The following ZNF286A variants were observed in gnomAD, a reference collection of about 807,000 sequenced individuals.
ZNF286A encodes the protein zinc finger protein 286A, also known as zinc finger protein ZNF286.
Under a neutral mutation model 49.3 loss-of-function variants are expected in ZNF286A, and 34 were observed. That is an observed-to-expected ratio of 0.69 (90% CI 0.52 to 0.92). ZNF286A has a LOEUF of 0.92. Among genes scored for constraint, ZNF286A ranks in the 40% least tolerant of loss-of-function variants. The pLI, the probability that ZNF286A is intolerant of heterozygous loss-of-function variation, is 0.00. For missense variants in ZNF286A, 462 were observed against 600.2 expected, an observed-to-expected ratio of 0.77 and a Z score of 2.41; for synonymous variants, 155 against 200.4, an observed-to-expected ratio of 0.77 and a Z score of 1.91.
At position 15,716,983 on chromosome 17, in the gene ZNF286A, G is replaced by A. The variant is rs938832154; in HGVS notation, c.1259G>A (p.Ser420Asn). The A allele has an allele frequency of 4.3e-6, 7 of 1,612,660 alleles. No homozygotes were observed. The highest frequency in any genetic ancestry group is 5.9e-6 in the Non-Finnish European group (7 of 1,179,340). ...YECSECGKTF[S>N]QSTHLVQHQR... ...TGCAGTGAATGTGGAAAAACTTTTAGTCAGAGCACACATCTTGTTCAACAT... is the reference window on the plus strand; with the variant it reads ...TGCAGTGAATGTGGAAAAACTTTTAATCAGAGCACACATCTTGTTCAACAT... Residue 420 changes from serine to asparagine, a missense_variant, in exon 6 of 6, where the codon AGT (serine) becomes AAT (asparagine). Around this residue, in one of 3 missense-constraint regions of ZNF286A, gnomAD observed 201 missense variants for 311.3 expected, o/e 0.65. Coordinates refer to ENST00000583566, the MANE Select transcript of ZNF286A (RefSeq NM_001130842.2).
At chr17:15,704,915 G>A in intron 3 of ZNF286A, 2 of 1,575,464 alleles carry the variant, frequency 1.3e-6, no homozygotes, top group Middle Eastern at 2.2e-4. Flanking sequence ...GCGGCCGGCC[G>A]GGGGCGGGTC....
intron 3 of ZNF286A, chr17:15,704,956 C>A (rs1990106017): frequency 2.1e-6 from 3 of 1,445,558 alleles, no homozygotes; most frequent in Middle Eastern, 2.5e-4. Context: ...TTCTTCGGTC[C>A]GCCGGCCGGG....
intron 5 of ZNF286A, among the ~76,000 whole-genome samples, chr17:15,712,142 G>A (rs1990718507): frequency 6.6e-6 from 1 of 152,194 alleles, no homozygotes; most frequent in South Asian, 2.1e-4. Context: ...AAAGTGCTGG[G>A]ATTACAGGCG....
chr17:15,705,284 A>G (rs1990145857), intron 3 of ZNF286A, among the ~76,000 whole-genome samples: 1 of 152,174 alleles, frequency 6.6e-6, no homozygotes, highest in African/African-American at 2.4e-5. Context: ...CATTGGCATA[A>G]TACTATAACC....
At chr17:15,705,005 C>T (rs1483927512) in intron 3 of ZNF286A, 22 of 758,200 alleles carry the variant, frequency 2.9e-5, no homozygotes, top group Non-Finnish European at 4.2e-5. Flanking sequence ...CCTGGAGAGG[C>T]CCCGGCGGCC....
Position 15,717,095 on chromosome 17 carries a change from A to G in ZNF286A, c.1371A>G (p.Gln457=), listed in dbSNP as rs1264574726. 1.2e-6 allele frequency: 2 copies of G among 1,614,108 alleles called. No individual in the cohort carries two copies. The highest frequency in any genetic ancestry group is 2.2e-5 in the East Asian group (1 of 44,874). The change falls in exon 6 of 6, where the codon CAA becomes CAG. Residue 457 remains glutamine, a synonymous_variant. Transcript: ENST00000583566. ...GGAGCTCCAATTTTGCTAAACATCA[A>G]AGAATTCATATTGGAAAGAAACCGT... ...FSRSSNFAKH[Q]RIHIGKKPYK...
chr17:15,720,469 CCTT>C lies in ZNF286A; in HGVS notation c.*3180_*3182del, dbSNP rs1446799980. Reference sequence around the variant, plus strand: ...TCTGGTGCTGTTTTCTGCACAGCCTCCTTGAGACCTTCCAGAACCTTCTTTTTT... The same window carrying C: ...TCTGGTGCTGTTTTCTGCACAGCCTCGAGACCTTCCAGAACCTTCTTTTTT... On this transcript the variant is annotated 3_prime_UTR_variant, in exon 6 of 6. Transcript: ENST00000583566. 1 of 140,300 alleles carries C rather than the reference CCTT, an allele frequency of 7.1e-6. No individual in the cohort carries two copies. Among genetic ancestry groups the C allele is most frequent in the Non-Finnish European group, 1.5e-5 (1 of 65,304 alleles). 8.7% of individuals were successfully genotyped at this position (140,300 alleles called of 1,614,324 possible).
intron 3 of ZNF286A, among the ~76,000 whole-genome samples, chr17:15,702,952 C>T (rs546105192): frequency 9.2e-5 from 14 of 152,236 alleles, no homozygotes; most frequent in African/African-American, 3.1e-4. Context: ...TGGCCTCTAA[C>T]GAGTTTAGGC....
chr17:15,714,775 A>G (rs1277623801), intron 5 of ZNF286A, among the ~76,000 whole-genome samples: 1 of 145,572 alleles, frequency 6.9e-6, no homozygotes, highest in African/African-American at 2.5e-5. Flanking sequence ...CACATGGAGG[A>G]TATTCTATAA....
At chr17:15,703,425 C>G (rs546168048) in intron 3 of ZNF286A, among the ~76,000 whole-genome samples, 136 of 151,568 alleles carry the variant, frequency 9.0e-4, no homozygotes, top group African/African-American at 3.1e-3. Flanking sequence ...TTAGAATTTG[C>G]CTGGGCTATT....
At chr17:15,705,440 A>C (rs967893131) in intron 3 of ZNF286A, among the ~76,000 whole-genome samples, 1 of 152,166 alleles carries the variant, frequency 6.6e-6, no homozygotes, top group Admixed American at 6.5e-5. Flanking sequence ...TTTTAAAAAA[A>C]TGAAATGGAA....
At chr17:15,715,389 G>A (rs534828013) in intron 5 of ZNF286A, among the ~76,000 whole-genome samples, 1 of 151,866 alleles carries the variant, frequency 6.6e-6, no homozygotes, top group Admixed American at 6.5e-5. Context: ...ATTTTTTCAG[G>A]AGATGGATAG....
intron 3 of ZNF286A, among the ~76,000 whole-genome samples, chr17:15,705,997 A>G (rs903610087): frequency 7.9e-5 from 12 of 152,072 alleles, no homozygotes; most frequent in African/African-American, 2.4e-4. Flanking sequence ...TGACTCTTCA[A>G]TTTTTTATTG....
chr17:15,716,127 A>G lies in ZNF286A; in HGVS notation c.403A>G (p.Lys135Glu), dbSNP rs201944001. The change falls in exon 6 of 6, where the codon AAA (lysine) becomes GAA (glutamate). Residue 135 changes from lysine to glutamate, a missense_variant. Transcript: ENST00000583566. ...VQDFSKAESC[K>E]VAIIDRLTRN... ...AGATTTTTCCAAAGCAGAATCATGC[A>G]AAGTTGCAATAATAGACAGACTGAC... 1 of 1,613,900 alleles carries G rather than the reference A, an allele frequency of 6.2e-7. No homozygotes were observed. Among genetic ancestry groups the G allele is most frequent in the Non-Finnish European group, 8.5e-7 (1 of 1,179,826 alleles).
At chr17:15,699,879 G>C (rs1180746484) in intron 1 of ZNF286A, 102 bp downstream of exon 1, 1 of 700,116 alleles carries the variant, frequency 1.4e-6, no homozygotes, top group South Asian at 1.5e-5. Flanking sequence ...GTTTGTTAAA[G>C]GGGCCTCGAG....
At chr17:15,703,366 G>A (rs1318236303) in intron 3 of ZNF286A, among the ~76,000 whole-genome samples, 2 of 151,986 alleles carry the variant, frequency 1.3e-5, no homozygotes, top group Admixed American at 1.3e-4. Flanking sequence ...TTTGTTCTTT[G>A]TGCATTTTAT....
rs1338579889 is a variant in ZNF286A at position 15,717,789 on chromosome 17, A to AATT, written c.*500_*501insTTA. The AATT allele has an allele frequency of 6.4e-6, 1 of 156,472 alleles. No individual in the cohort carries two copies. Among genetic ancestry groups the AATT allele is most frequent in the Non-Finnish European group, 1.4e-5 (1 of 70,700 alleles). The allele number at this position is 156,472 out of a possible 1,614,324, so 9.7% of individuals were successfully genotyped here. A position where few individuals can be genotyped will look rare whatever the true frequency, so the allele number is the denominator to read the frequency against. ...TAATTTCTTTTATATTAGCCTTAAAAACCAAAAATGCTGGGTTCAAAGTCC... is the reference window on the plus strand; with the variant it reads ...TAATTTCTTTTATATTAGCCTTAAAAATTACCAAAAATGCTGGGTTCAAAGTCC... On this transcript the variant is annotated 3_prime_UTR_variant, in exon 6 of 6. Coordinates refer to ENST00000583566, the MANE Select transcript of ZNF286A (RefSeq NM_001130842.2).
At chr17:15,702,453 TGC>T (rs1259598204) in intron 3 of ZNF286A, among the ~76,000 whole-genome samples, 5 of 150,348 alleles carry the variant, frequency 3.3e-5, no homozygotes, top group Non-Finnish European at 2.9e-5. Flanking sequence ...AGGCAGAGGT[TGC>T]AGTGAGCCCA....
At position 15,717,156 on chromosome 17, in the gene ZNF286A, T is replaced by C; in HGVS notation, c.1432T>C (p.Ser478Pro). 1 of 1,611,496 alleles carries C rather than the reference T, an allele frequency of 6.2e-7. No individual in the cohort carries two copies. The highest frequency in any genetic ancestry group is 8.5e-7 in the Non-Finnish European group (1 of 1,178,880). The change falls in exon 6 of 6, where the codon TCA becomes CCA. Residue 478 changes from serine to proline, a missense_variant. This residue lies in a region of ZNF286A where 201 missense variants were observed against 311.3 expected (regional missense o/e 0.65). Coordinates refer to ENST00000583566, the MANE Select transcript of ZNF286A (RefSeq NM_001130842.2). ...CSECGKAFIH[S>P]SALIQHQRTH... is the part of the protein sequence containing the mutation. ...CGAGTGTGGAAAAGCCTTCATTCAT[T>C]CATCAGCTCTCATTCAACATCAGAG... is the stretch of plus-strand genomic sequence containing the variant.
Sources: allele counts gnomAD v4.1 joint callset (sites outside exome capture counted in the v4.1 genomes callset), GRCh38; gene constraint gnomAD v4.1.1; regional missense constraint gnomAD v4.1.1; transcripts MANE v1.5; gene names NCBI Gene and HGNC (gene_info 2026-07-23, HGNC 2026-07-21).